The following SPTA1 variants were observed in gnomAD, a reference collection of about 807,000 sequenced individuals.
The protein encoded by SPTA1 is spectrin alpha chain, erythrocytic 1.
In SPTA1, 177 loss-of-function variants were observed where a neutral mutation model predicts 324.7. The observed-to-expected ratio is 0.55, with a 90% CI of 0.48 to 0.62. The LOEUF is 0.62. SPTA1 is among the 20% of genes least tolerant of loss of function. The probability of loss-of-function intolerance (pLI) is 0.00; values close to 1 mark genes in which losing one functional copy is unlikely to be tolerated. For missense variants in SPTA1, 3,162 were observed against 2,883.6 expected (o/e 1.10, Z -2.21); for synonymous variants, 1,195 against 1,041.3 (o/e 1.15, Z -2.84).
intron 20 of SPTA1, among the ~76,000 whole-genome samples, 156 bp from the exon 21 acceptor site, chr1:158,654,904 GA>G (rs1344112155): frequency 6.6e-6 from 1 of 152,144 alleles, no homozygotes; most frequent in Non-Finnish European, 1.5e-5. Context: ...GTGGTCTTCA[GA>G]GAGACTGCTC....
rs1460217844 is a variant in SPTA1 at position 158,657,645 on chromosome 1, C to G, written c.2637G>C (p.Gln879His). The G allele has an allele frequency of 6.2e-7, 1 of 1,613,890 alleles. No individual in the cohort carries two copies. Among genetic ancestry groups the G allele is most frequent in the Non-Finnish European group, 8.5e-7 (1 of 1,180,008 alleles). Residue 879 changes from glutamine (Q) to histidine (H), a missense_variant, in exon 19 of 52, where the codon CAG becomes CAC. Transcript: ENST00000643759. Reference protein sequence around the residue: ...DVASRVKSLNQNMESLRARAA... With the variant: ...DVASRVKSLNHNMESLRARAA... The stretch of plus-strand genomic sequence containing the variant: ...CTCGAGCACGGAGAGACTCCATATT[C>G]TGGTTCAAACTCTTGACCCTAGAGG...
Position 158,674,691 on chromosome 1 carries a change from G to A in SPTA1, c.1113-16C>T, listed in dbSNP as rs112977554. On this transcript the variant is annotated splice_polypyrimidine_tract_variant and intron_variant, in intron 8 of 51. Coordinates refer to ENST00000643759, the MANE Select transcript of SPTA1 (RefSeq NM_003126.4). ...TCGATGGTACCTGTGGGAAAAGTGAGGTAAAAGACAGGAAGGAGAAACCAG... is the reference window on the plus strand; with the variant it reads ...TCGATGGTACCTGTGGGAAAAGTGAAGTAAAAGACAGGAAGGAGAAACCAG... The A allele has an allele frequency of 2.0e-5, 33 of 1,612,960 alleles. No individual in the cohort carries two copies. The highest frequency in any genetic ancestry group is 3.3e-4 in the Middle Eastern group (2 of 6,058).
intron 16 of SPTA1, among the ~76,000 whole-genome samples, chr1:158,665,898 A>G (rs553560516): frequency 5.3e-4 from 81 of 152,284 alleles, no homozygotes; most frequent in Admixed American, 2.3e-3. Context: ...CAAAGATCAC[A>G]TAACTAGTAA....
At chr1:158,664,047 A>G (rs1215571245) in intron 16 of SPTA1, among the ~76,000 whole-genome samples, 1 of 152,186 alleles carries the variant, frequency 6.6e-6, no homozygotes, top group Non-Finnish European at 1.5e-5. Flanking sequence ...TCCATAAAAA[A>G]ATTAAAGGCC....
At chr1:158,636,807 A>C in intron 36 of SPTA1, 46 bp from the exon 37 acceptor site, 2 of 1,611,998 alleles carry the variant, frequency 1.2e-6, no homozygotes, top group Non-Finnish European at 1.7e-6. Context: ...TAGACATCTA[A>C]TGTCATCCTA....
intron 19 of SPTA1, 119 bp from the exon 20 acceptor site, chr1:158,656,775 A>T (rs1203973616): frequency 8.1e-6 from 7 of 869,070 alleles, no homozygotes; most frequent in Non-Finnish European, 1.1e-5. Flanking sequence ...CTTTCCATCT[A>T]TCATAAAGTT....
rs1164094344 is a variant in SPTA1, at chr1:158,681,602, G to C, written c.456C>G (p.Asp152Glu). The C allele has an allele frequency of 6.2e-7, 1 of 1,613,760 alleles. No individual in the cohort carries two copies. The highest frequency in any genetic ancestry group is 1.7e-5 in the Admixed American group (1 of 59,960). ...LLLELTLEKGDQLLRALKFQQ... is the reference protein window; with the variant it reads ...LLLELTLEKGEQLLRALKFQQ... ...GGAACTTCAGGGCCCGCAGCAACTG[G>C]TCACCCTTCTCCAGGGTCAGCTCTA... Residue 152 changes from aspartate (D) to glutamate (E), a missense_variant, in exon 4 of 52, where the codon GAC becomes GAG. By Grantham distance (45) the Asp-to-Glu change is conservative. Coordinates refer to ENST00000643759, the MANE Select transcript of SPTA1 (RefSeq NM_003126.4).
intron 3 of SPTA1, among the ~76,000 whole-genome samples, chr1:158,682,355 A>G (rs977288729): frequency 6.6e-6 from 1 of 152,198 alleles, no homozygotes; most frequent in Admixed American, 6.5e-5. Context: ...ACCATTTGCT[A>G]TAGCCCCAGT....
Position 158,650,077 on chromosome 1 carries a change from G to T in SPTA1, c.3478-130C>A. 3 of 748,022 alleles carry T rather than the reference G, an allele frequency of 4.0e-6. No homozygotes were observed. The East Asian group carries it at 8.1e-5, about 20-fold the overall frequency. 46.3% of individuals were successfully genotyped at this position (748,022 alleles called of 1,614,324 possible). On this transcript the variant is annotated intron_variant, in intron 24 of 51. Transcript: ENST00000643759. ...TTTTCTTCAGAAATTGCATAGCTTT[G>T]CTTCTTTCTTGGACAGCTTGAGCTT...
rs539524312 is a variant in SPTA1 at position 158,654,709 on chromosome 1, G to C, written c.2938C>G (p.Gln980Glu). Residue 980 changes from glutamine (Q) to glutamate (E), a missense_variant, in exon 21 of 52, where the codon CAA becomes GAA. Physicochemically the swap from Gln to Glu is conservative, Grantham distance 29. Transcript: ENST00000643759. The stretch of plus-strand genomic sequence containing the variant: ...AAGTCATATAAAGCCATGACCCTTT[G>C]TTCTCCAGCAACTCCCTCCACTGGT... The part of the protein sequence containing the change: ...AAPVEGVAGE[Q>E]RVMALYDFQA... 2 of 1,613,854 alleles carry C rather than the reference G, an allele frequency of 1.2e-6. No homozygotes were observed. Among genetic ancestry groups the C allele is most frequent in the Non-Finnish European group, 1.7e-6 (2 of 1,179,956 alleles).
At chr1:158,659,449 C>T (rs2101883725) in intron 18 of SPTA1, among the ~76,000 whole-genome samples, 1 of 151,822 alleles carries the variant, frequency 6.6e-6, no homozygotes, top group East Asian at 1.9e-4. Context: ...GAAATCAAAA[C>T]AAGAAGCTTT....
In SPTA1 at chr1:158,685,363, A is replaced by G; in HGVS notation, c.25-16T>C. The G allele has an allele frequency of 3.1e-6, 5 of 1,612,048 alleles. No individual in the cohort carries two copies. Among genetic ancestry groups the G allele is most frequent in the Non-Finnish European group, 3.4e-6 (4 of 1,179,726 alleles). On this transcript the variant is annotated splice_polypyrimidine_tract_variant and intron_variant, in intron 1 of 51. Transcript: ENST00000643759. ...TCTCCACAACCTGCAAGTTAAAAAGATTCTGTTACTTGCTAGTTCTCAAAT... is the reference window on the plus strand; with the variant it reads ...TCTCCACAACCTGCAAGTTAAAAAGGTTCTGTTACTTGCTAGTTCTCAAAT...
intron 32 of SPTA1, 111 bp from the exon 33 acceptor site, chr1:158,642,653 G>T (rs980466197): frequency 6.4e-7 from 1 of 1,569,490 alleles, no homozygotes; most frequent in Non-Finnish European, 8.7e-7. Flanking sequence ...CTGAGGTGAC[G>T]GTGACTTCTG....
At chr1:158,656,429 A>G in intron 20 of SPTA1, 135 bp downstream of exon 20, 3 of 810,954 alleles carry the variant, frequency 3.7e-6, no homozygotes, top group South Asian at 2.8e-5. Context: ...GTTCCTGCAT[A>G]CAAGGGTCAT....
In SPTA1 at chr1:158,651,405, C is replaced by T; in HGVS notation, c.3439G>A (p.Glu1147Lys). 6.2e-7 allele frequency: 1 copy of T among 1,613,964 alleles called. No individual in the cohort carries two copies. Among genetic ancestry groups the T allele is most frequent in the South Asian group, 1.1e-5 (1 of 91,072 alleles). ...INKVADDLLF[E>K]GLLTPEGAQI... ...GCTCCTTCTGGTGTTAGAAGTCCTTCAAATAGTAGATCATCAGCTACCTTG... is the reference window on the plus strand; with the variant it reads ...GCTCCTTCTGGTGTTAGAAGTCCTTTAAATAGTAGATCATCAGCTACCTTG... Residue 1147 changes from glutamate (E) to lysine (K), a missense_variant, in exon 24 of 52, where the codon GAA becomes AAA. Physicochemically the swap from Glu to Lys is moderately conservative, Grantham distance 56 (BLOSUM62 1). Coordinates refer to ENST00000643759, the MANE Select transcript of SPTA1 (RefSeq NM_003126.4).
At position 158,640,007 on chromosome 1, in the gene SPTA1, C is replaced by A; in HGVS notation, c.4738G>T (p.Glu1580Ter). The change falls in exon 34 of 52, where the codon GAG (glutamate) becomes TAG (stop). Residue 1580 changes from glutamate (E) to a stop codon, truncating the protein, a stop_gained and splice_region_variant. Transcript: ENST00000643759. LOFTEE classifies it high-confidence loss of function. The stretch of plus-strand genomic sequence containing the variant: ...TGTTCCTTCAGCTGTTCCAGTTGCT[C>A]CTAACCCAAGGAGAGTGAGGAGTCA... The part of the protein sequence containing the change: ...ACDGNEEAMK[E>*]QLEQLKEHWD... 6.2e-7 allele frequency: 1 copy of A among 1,613,760 alleles called. No homozygotes were observed.
At chr1:158,616,069 C>T (rs972682137) in intron 47 of SPTA1, among the ~76,000 whole-genome samples, 3 of 152,058 alleles carry the variant, frequency 2.0e-5, no homozygotes, top group Admixed American at 2.0e-4. Flanking sequence ...TATGACAAAG[C>T]TTGTAGCCTT....
intron 51 of SPTA1, chr1:158,611,757 A>G (rs1333787794): frequency 4.1e-6 from 1 of 242,742 alleles, no homozygotes; most frequent in East Asian, 1.2e-4. Flanking sequence ...TGAGTAAGGT[A>G]AAATACTCAA....
At chr1:158,623,283 G>A (rs1015111178) in intron 42 of SPTA1, 91 bp from the exon 43 acceptor site, 10 of 1,075,932 alleles carry the variant, frequency 9.3e-6, no homozygotes, top group African/African-American at 1.6e-5. Flanking sequence ...CATAGATAAG[G>A]CTAGGCAAGA....
Sources: gnomAD v4.1 joint callset for allele counts (sites outside exome capture counted in the v4.1 genomes callset) on GRCh38, gnomAD v4.1.1 for gene constraint, MANE v1.5 for transcripts, NCBI Gene and HGNC (gene_info 2026-07-23, HGNC 2026-07-21) for gene names.